DMD: variants seen among roughly 807,000 people sequenced by gnomAD.
DMD encodes the protein dystrophin, also known as mutant dystrophin.
Under a neutral mutation model 330.1 loss-of-function variants are expected in DMD, and 63 were observed. The observed-to-expected ratio is 0.19, with a 90% CI of 0.16 to 0.24. The LOEUF (loss-of-function observed/expected upper bound fraction) is 0.24, where lower values mean the gene tolerates loss of function less well. Among genes scored for constraint, DMD ranks in the 10% least tolerant of loss-of-function variants. The probability of loss-of-function intolerance (pLI) is 1.00; values close to 1 mark genes in which losing one functional copy is unlikely to be tolerated. For synonymous variants in DMD, 1,223 were observed against 959.8 expected (o/e 1.27, Z -5.07); for missense variants, 3,344 against 2,684.1 (o/e 1.25, Z -5.43).
chrX:31,460,580 AC>A (rs1569544504), intron 59 of DMD, among the ~76,000 whole-genome samples: 2 of 111,774 alleles, frequency 1.8e-5, no homozygotes, highest in African/African-American at 6.5e-5. Flanking sequence ...AAGTTATGTG[AC>A]TAAATATATA....
chrX:32,107,483 C>T (rs1299404863), intron 44 of DMD, among the ~76,000 whole-genome samples: 2 of 107,734 alleles, frequency 1.9e-5, no homozygotes, highest in Admixed American at 1.0e-4. Flanking sequence ...GCTGGAGACC[C>T]GAGAGAGCTG....
chrX:31,167,724 C>G (rs1374338036), intron 74 of DMD, among the ~76,000 whole-genome samples: 1 of 111,967 alleles, frequency 8.9e-6, no homozygotes, highest in Non-Finnish European at 1.9e-5. Context: ...ATCATTAAAA[C>G]AACAAAAAAA....
At chrX:32,608,764 C>T (rs1043587685) in intron 12 of DMD, among the ~76,000 whole-genome samples, 5 of 110,674 alleles carry the variant, frequency 4.5e-5, no homozygotes, top group Admixed American at 3.8e-4. Context: ...CAAAAGAAAT[C>T]TGGCTCTCTG....
In DMD at chrX:32,394,574, T is replaced by C. The variant is rs184597406; in HGVS notation, c.4234-4393A>G. Among the ~76,000 whole-genome samples the C allele has an allele frequency of 7.3e-3, 815 of 111,897 alleles. 8 individuals carry two copies. Among genetic ancestry groups the C allele is most frequent in the Middle Eastern group, 0.014 (3 of 217 alleles). On this transcript the variant is annotated intron_variant, in intron 30 of 78. Transcript: ENST00000357033. ...TGTTATTTGCACAAATATTTAGTTA[T>C]AAGTTATCAGCGATATAACATGTCA...
intron 9 of DMD, among the ~76,000 whole-genome samples, chrX:32,667,437 G>A (rs1053478551): frequency 2.7e-5 from 3 of 112,032 alleles, no homozygotes; most frequent in Non-Finnish European, 5.6e-5. Context: ...TTAGTGCTGT[G>A]TGACACGATA....
At chrX:31,537,844 T>A (rs901560378) in intron 55 of DMD, among the ~76,000 whole-genome samples, 11 of 112,145 alleles carry the variant, frequency 9.8e-5, no homozygotes, top group African/African-American at 3.6e-4. Flanking sequence ...ATCATAGTAA[T>A]ACCCTTACCA....
chrX:31,681,329 T>C (rs1265978700), intron 52 of DMD, among the ~76,000 whole-genome samples: 3 of 111,821 alleles, frequency 2.7e-5, no homozygotes, highest in African/African-American at 9.8e-5. Flanking sequence ...TAAGAAACCA[T>C]CACAGATAAT....
At chrX:33,157,021 C>T (rs896099261) in intron 1 of DMD, among the ~76,000 whole-genome samples, 3 of 112,042 alleles carry the variant, frequency 2.7e-5, no homozygotes, top group African/African-American at 9.7e-5. Flanking sequence ...AGTTCACATT[C>T]TTTATAGATA....
At chrX:31,180,511 T>C (rs757889959) in intron 68 of DMD, 30 bp from the exon 69 acceptor site, 5 of 947,855 alleles carry the variant, frequency 5.3e-6, no homozygotes, top group Non-Finnish European at 1.5e-6. Context: ...AACACGTATG[T>C]ATTTCTTCGA....
At chrX:32,189,008 A>G (rs2096959824) in intron 44 of DMD, among the ~76,000 whole-genome samples, 1 of 110,882 alleles carries the variant, frequency 9.0e-6, no homozygotes, top group East Asian at 2.8e-4. Flanking sequence ...TAATTTATAC[A>G]TTGTCATCAG....
intron 15 of DMD, among the ~76,000 whole-genome samples, chrX:32,568,235 G>C (rs1215048432): frequency 8.9e-6 from 1 of 111,831 alleles, no homozygotes; most frequent in Non-Finnish European, 1.9e-5. Flanking sequence ...TAAAATTAGA[G>C]GTGGTGGCTC....
chrX:32,475,817 C>A (rs1697416790), intron 21 of DMD, among the ~76,000 whole-genome samples: 1 of 110,535 alleles, frequency 9.0e-6, no homozygotes, highest in Non-Finnish European at 1.9e-5. Flanking sequence ...ATCATATAGT[C>A]GGCAAACACT....
At chrX:32,598,444 T>A (rs1264921377) in intron 12 of DMD, among the ~76,000 whole-genome samples, 1 of 111,895 alleles carries the variant, frequency 8.9e-6, no homozygotes, top group African/African-American at 3.2e-5. Flanking sequence ...ATTAAAATGA[T>A]AATTTGGTGG....
At chrX:32,210,216 A>G (rs1657079079) in intron 44 of DMD, among the ~76,000 whole-genome samples, 1 of 112,218 alleles carries the variant, frequency 8.9e-6, no homozygotes, top group African/African-American at 3.2e-5. Context: ...GTGACTAGAG[A>G]CAAATTCTCT....
intron 1 of DMD, among the ~76,000 whole-genome samples, chrX:33,283,268 G>T (rs2053367618): frequency 1.8e-5 from 2 of 112,031 alleles, no homozygotes; most frequent in Admixed American, 1.9e-4. Context: ...GTCAAATGCG[G>T]TGGCTCACGC....
At chrX:32,710,437 A>G (rs1049176141) in intron 7 of DMD, among the ~76,000 whole-genome samples, 2 of 111,292 alleles carry the variant, frequency 1.8e-5, no homozygotes, top group African/African-American at 6.5e-5. Flanking sequence ...GTATCAGATT[A>G]TTTTTAAGTG....
intron 16 of DMD, among the ~76,000 whole-genome samples, chrX:32,565,329 G>C (rs1432429895): frequency 9.0e-6 from 1 of 111,686 alleles, no homozygotes; most frequent in Non-Finnish European, 1.9e-5. Context: ...TCTTCCCTAA[G>C]TTTCATTTTT....
chrX:32,534,356 C>T (rs1040160752), intron 17 of DMD, among the ~76,000 whole-genome samples: 8 of 111,369 alleles, frequency 7.2e-5, no homozygotes, highest in African/African-American at 9.8e-5. Context: ...GGATCCCTCA[C>T]GGCTTAGTGC....
intron 49 of DMD, among the ~76,000 whole-genome samples, chrX:31,832,417 CAACAA>C (rs1282357956): frequency 2.7e-5 from 3 of 111,377 alleles, no homozygotes; most frequent in African/African-American, 9.8e-5. Flanking sequence ...AGTTAATTAA[CAACAA>C]AACAGCTGGG....
Sources: gnomAD v4.1 joint callset for allele counts (sites outside exome capture counted in the v4.1 genomes callset) on GRCh38, gnomAD v4.1.1 for gene constraint, MANE v1.5 for transcripts, NCBI Gene and HGNC (gene_info 2026-07-23, HGNC 2026-07-21) for gene names.